TAMM41: variants seen among roughly 807,000 people sequenced by gnomAD.
TAMM41 encodes the protein TAM41 mitochondrial translocator assembly and maintenance homolog.
Under a neutral mutation model 44.1 loss-of-function variants are expected in TAMM41, and 36 were observed. The observed-to-expected ratio is 0.82, with a 90% CI of 0.63 to 1.08. The LOEUF is 1.08. TAMM41 is among the 50% of genes least tolerant of loss of function. TAMM41 has a pLI of 0.00. For missense variants in TAMM41, 417 were observed against 404.3 expected, an observed-to-expected ratio of 1.03 and a Z score of -0.27; for synonymous variants, 164 against 153.1, an observed-to-expected ratio of 1.07 and a Z score of -0.53.
rs2079570774 is a variant in TAMM41 at position 11,844,146 on chromosome 3, C to T, written c.201G>A (p.Lys67=). Residue 67 remains lysine, a synonymous_variant, in exon 2 of 8, where the codon AAG becomes AAA. Transcript: ENST00000455809. ...GGAAAGAGTAGTGACTCCAATTTTT[C>T]TTCAGGTTCTTTGAATGCCATGCGA... The part of the protein sequence containing the change: ...DPVAWHSKNL[K]KNWSHYSFLK... 3.7e-6 allele frequency: 6 copies of T among 1,614,166 alleles called. No individual in the cohort carries two copies. Among genetic ancestry groups the T allele is most frequent in the Non-Finnish European group, 4.2e-6 (5 of 1,180,018 alleles).
At chr3:11,752,625 CTTTTTTTTTTTTT>C in the TAMM41 span, among the ~76,000 whole-genome samples, 7 of 39,938 alleles carry the variant, frequency 1.8e-4, no homozygotes, top group Non-Finnish European at 2.0e-4. Flanking sequence ...TCTTACAAAG[CTTTTTTTTTTTTT>C]TTTTTTTTTT....
chr3:11,789,551 G>C (rs1377514078), downstream of TAMM41, among the ~76,000 whole-genome samples: 1 of 152,220 alleles, frequency 6.6e-6, no homozygotes, highest in African/African-American at 2.4e-5. Flanking sequence ...CTGTGAGCCT[G>C]AGGGGAGGGA....
At chr3:11,793,022 C>A (rs2077516751) in intron 7 of TAMM41, among the ~76,000 whole-genome samples, 1 of 140,666 alleles carries the variant, frequency 7.1e-6, no homozygotes, top group Non-Finnish European at 1.5e-5. Context: ...GATCACGCCA[C>A]TGCACTCCAG....
the TAMM41 span, among the ~76,000 whole-genome samples, chr3:11,746,228 C>G: frequency 6.7e-6 from 1 of 149,646 alleles, no homozygotes; most frequent in South Asian, 2.1e-4. Flanking sequence ...GGCTTGAACC[C>G]AGGAGGCGGA....
At chr3:11,843,816 C>T in intron 2 of TAMM41, 1 of 553,912 alleles carries the variant, frequency 1.8e-6, no homozygotes. Flanking sequence ...AGTCCCTGCT[C>T]TGTCCCCAAG....
At chr3:11,786,536 C>T (rs1292334350), downstream of TAMM41, among the ~76,000 whole-genome samples, 2 of 151,976 alleles carry the variant, frequency 1.3e-5, no homozygotes, top group African/African-American at 2.4e-5. Flanking sequence ...AACTCCTGAC[C>T]TCGTGATCCA....
At chr3:11,743,364 C>T in the TAMM41 span, among the ~76,000 whole-genome samples, 1 of 148,872 alleles carries the variant, frequency 6.7e-6, no homozygotes, top group Non-Finnish European at 1.5e-5. Context: ...GAGGAAGTCT[C>T]GCTCTGTTGC....
At chr3:11,809,717 A>G (rs1033061939) in intron 5 of TAMM41, 35 bp from the exon 6 acceptor site, 23 of 1,584,266 alleles carry the variant, frequency 1.5e-5, no homozygotes, top group Admixed American at 4.0e-5. Flanking sequence ...CGTCTATGGA[A>G]GTGCTTTAAA....
chr3:11,743,948 CATCTTT>C, the TAMM41 span, among the ~76,000 whole-genome samples: 1 of 152,302 alleles, frequency 6.6e-6, no homozygotes, highest in East Asian at 1.9e-4. Flanking sequence ...ACCAATCGCT[CATCTTT>C]ATCATTGATG....
chr3:11,780,821 C>T, the TAMM41 span, among the ~76,000 whole-genome samples: 1 of 152,162 alleles, frequency 6.6e-6, no homozygotes. Context: ...GACAACTCTC[C>T]AGGGCTCCAG....
At chr3:11,798,357 T>G (rs1276498828) in intron 7 of TAMM41, among the ~76,000 whole-genome samples, 3 of 152,116 alleles carry the variant, frequency 2.0e-5, no homozygotes, top group Non-Finnish European at 4.4e-5. Flanking sequence ...GGGATATAGA[T>G]GGAGCTGGAG....
At chr3:11,748,757 A>G in the TAMM41 span, among the ~76,000 whole-genome samples, 57 of 152,196 alleles carry the variant, frequency 3.7e-4, no homozygotes, top group African/African-American at 1.3e-3. Context: ...TGAGAGCTTT[A>G]CTTTCTGTAG....
chr3:11,801,270 T>C (rs2077745797), intron 7 of TAMM41, among the ~76,000 whole-genome samples: 1 of 152,100 alleles, frequency 6.6e-6, no homozygotes, highest in South Asian at 2.1e-4. Context: ...ATGATACAAG[T>C]ACATGGAAAT....
chr3:11,724,001 TGG>T, the TAMM41 span, among the ~76,000 whole-genome samples: 40 of 146,924 alleles, frequency 2.7e-4, no homozygotes, highest in African/African-American at 1.0e-3. Context: ...CAGTGGGGGA[TGG>T]GGGGGGGTGA....
chr3:11,785,506 A>T (rs1359507444), downstream of TAMM41, among the ~76,000 whole-genome samples: 2 of 152,040 alleles, frequency 1.3e-5, no homozygotes, highest in Admixed American at 1.3e-4. Flanking sequence ...TTGTATTTTT[A>T]GTAGAGATGG....
At position 11,807,825 on chromosome 3, in the gene TAMM41, G is replaced by C. The variant is rs1201116084; in HGVS notation, c.937+8C>G. 6.5e-7 allele frequency: 1 copy of C among 1,536,038 alleles called. No individual in the cohort carries two copies. The highest frequency in any genetic ancestry group is 1.2e-5 in the South Asian group (1 of 84,050). On this transcript the variant is annotated splice_region_variant and intron_variant, in intron 7 of 7. Transcript: ENST00000455809. ...GGTATGTTACACACGGATTTCCAAAGCTCTTACCAGCAGTAAAAATGCCTT... is the reference window on the plus strand; with the variant it reads ...GGTATGTTACACACGGATTTCCAAACCTCTTACCAGCAGTAAAAATGCCTT...
At chr3:11,762,877 T>C in the TAMM41 span, among the ~76,000 whole-genome samples, 2 of 152,136 alleles carry the variant, frequency 1.3e-5, no homozygotes, top group Non-Finnish European at 2.9e-5. Flanking sequence ...CTGGCCAACA[T>C]GGTGAAAACC....
chr3:11,769,618 G>A, the TAMM41 span, among the ~76,000 whole-genome samples: 1 of 152,170 alleles, frequency 6.6e-6, no homozygotes, highest in Non-Finnish European at 1.5e-5. Flanking sequence ...TATTTACAAA[G>A]CCAGGAGGTA....
chr3:11,758,741 T>C, the TAMM41 span, among the ~76,000 whole-genome samples: 2 of 152,012 alleles, frequency 1.3e-5, no homozygotes, highest in African/African-American at 4.8e-5. Context: ...TGGTACTATC[T>C]CAGCTCACTG....
Sources: allele counts gnomAD v4.1 joint callset (sites outside exome capture counted in the v4.1 genomes callset), GRCh38; gene constraint gnomAD v4.1.1; transcripts MANE v1.5; gene names NCBI Gene and HGNC (gene_info 2026-07-23, HGNC 2026-07-21).